The following AASS variants were observed in gnomAD, a reference collection of about 807,000 sequenced individuals.
AASS encodes the protein aminoadipate-semialdehyde synthase.
AASS carries 86 observed loss-of-function variants against 105.4 expected under a neutral mutation model. That is an observed-to-expected ratio of 0.82 (90% CI 0.69 to 0.98). AASS has a LOEUF of 0.98. AASS is among the 50% of genes least tolerant of loss of function. The pLI is 0.00. For missense variants in AASS, 1,048 were observed against 1,143.2 expected (o/e 0.92, Z 1.20); for synonymous variants, 381 against 394.8 (o/e 0.96, Z 0.41).
intron 15 of AASS, among the ~76,000 whole-genome samples, chr7:122,095,184 C>T (rs552169688): frequency 4.6e-4 from 70 of 151,996 alleles, no homozygotes; most frequent in Admixed American, 3.5e-3. Context: ...ACGGAGGAGA[C>T]AGGCTTTAAC....
chr7:122,074,694 G>T lies in AASS; in HGVS notation c.*1795C>A, dbSNP rs1322724678. ...GTCCAATTTCATTATTTTGCATGTGGATATCCATGTTTCCAAGCATCATTT... is the reference window on the plus strand; with the variant it reads ...GTCCAATTTCATTATTTTGCATGTGTATATCCATGTTTCCAAGCATCATTT... On this transcript the variant is annotated 3_prime_UTR_variant, in exon 24 of 24. Coordinates refer to ENST00000417368, the MANE Select transcript of AASS (RefSeq NM_005763.4). 6.6e-6 allele frequency among the ~76,000 whole-genome samples: 1 copy of T among 152,074 alleles called. No homozygotes were observed. The highest frequency in any genetic ancestry group is 2.4e-5 in the African/African-American group (1 of 41,402).
intron 4 of AASS, among the ~76,000 whole-genome samples, chr7:122,125,719 G>A (rs1380131981): frequency 1.3e-5 from 2 of 152,214 alleles, no homozygotes; most frequent in Non-Finnish European, 2.9e-5. Context: ...ATGCTTGCTT[G>A]GACCAGTATA....
chr7:122,099,537 AC>A (rs2150522690), intron 13 of AASS, among the ~76,000 whole-genome samples: 3 of 151,872 alleles, frequency 2.0e-5, no homozygotes, highest in Middle Eastern at 3.4e-3. Context: ...ACAAACTATG[AC>A]CTCCAAGGCA....
intron 4 of AASS, among the ~76,000 whole-genome samples, chr7:122,120,015 T>C (rs1263672381): frequency 6.6e-6 from 1 of 152,164 alleles, no homozygotes; most frequent in African/African-American, 2.4e-5. Flanking sequence ...CAAGGGTCAA[T>C]TGTACTCTTT....
intron 19 of AASS, among the ~76,000 whole-genome samples, chr7:122,085,218 T>A (rs1793563689): frequency 6.6e-6 from 1 of 152,132 alleles, no homozygotes; most frequent in Non-Finnish European, 1.5e-5. Flanking sequence ...CTCACACACA[T>A]CTTGATTTCA....
chr7:122,097,558 G>A (rs1794219915), intron 15 of AASS, among the ~76,000 whole-genome samples: 1 of 151,850 alleles, frequency 6.6e-6, no homozygotes, highest in Non-Finnish European at 1.5e-5. Flanking sequence ...GATGTCTGTT[G>A]TTCCTTTCTT....
intron 19 of AASS, among the ~76,000 whole-genome samples, chr7:122,084,632 G>A (rs1367863562): frequency 1.3e-5 from 2 of 152,018 alleles, no homozygotes; most frequent in African/African-American, 4.8e-5. Context: ...CAGGGCTGCA[G>A]AGAAGAAAAG....
intron 11 of AASS, among the ~76,000 whole-genome samples, chr7:122,112,546 C>T (rs1032207781): frequency 1.3e-5 from 2 of 151,852 alleles, no homozygotes; most frequent in Non-Finnish European, 2.9e-5. Context: ...GGCAGACAGT[C>T]TGAAATAAAA....
chr7:122,130,132 T>C (rs1277168857), intron 2 of AASS, among the ~76,000 whole-genome samples: 1 of 152,042 alleles, frequency 6.6e-6, no homozygotes, highest in Non-Finnish European at 1.5e-5. Context: ...CTAAGTGATA[T>C]GCTACTTTAA....
intron 4 of AASS, among the ~76,000 whole-genome samples, chr7:122,123,030 C>T (rs1004056976): frequency 6.6e-6 from 1 of 152,134 alleles, no homozygotes; most frequent in African/African-American, 2.4e-5. Flanking sequence ...AAGCCTTATA[C>T]ATTCAGTTAA....
chr7:122,115,672 A>G (rs1336761770), intron 8 of AASS, among the ~76,000 whole-genome samples: 1 of 152,166 alleles, frequency 6.6e-6, no homozygotes, highest in African/African-American at 2.4e-5. Context: ...TGAAGATTAA[A>G]TCGGATAACA....
chr7:122,079,668 C>G lies in AASS; in HGVS notation c.2325G>C (p.Glu775Asp), dbSNP rs1270711081. The G allele has an allele frequency of 1.2e-6, 2 of 1,613,936 alleles. No homozygotes were observed. The highest frequency in any genetic ancestry group is 4.5e-5 in the East Asian group (2 of 44,842). Residue 775 changes from glutamate (E) to aspartate (D), a missense_variant, in exon 21 of 24, where the codon GAG (glutamate) becomes GAC (aspartate). Coordinates refer to ENST00000417368, the MANE Select transcript of AASS (RefSeq NM_005763.4). ...CDLVGISPSS[E>D]HDVLKEAVLK... ...GAACAGCTTCCTTCAACACATCATGCTCAGAGGAGGGTGAAATCCCAACTA... is the reference window on the plus strand; with the variant it reads ...GAACAGCTTCCTTCAACACATCATGGTCAGAGGAGGGTGAAATCCCAACTA...
At chr7:122,133,764 A>C (rs773540193) in intron 1 of AASS, 23 bp from the exon 2 acceptor site, 54 of 1,604,324 alleles carry the variant, frequency 3.4e-5, no homozygotes, top group Non-Finnish European at 4.5e-5. Flanking sequence ...TGTAAAGAGC[A>C]GAGCAACAAA....
intron 23 of AASS, among the ~76,000 whole-genome samples, chr7:122,077,074 C>G (rs1221697627): frequency 6.6e-6 from 1 of 152,140 alleles, no homozygotes; most frequent in East Asian, 1.9e-4. Flanking sequence ...CCACAATGAC[C>G]CCAACTTTTA....
chr7:122,079,101 C>T (rs1793183069), intron 21 of AASS, 151 bp from the exon 22 acceptor site: 1 of 1,535,732 alleles, frequency 6.5e-7, no homozygotes, highest in Non-Finnish European at 8.7e-7. Context: ...TGTAAAATAA[C>T]AATAACAATA....
At position 122,118,603 on chromosome 7, in the gene AASS, C is replaced by T. The variant is rs770410429; in HGVS notation, c.500G>A (p.Gly167Asp). Reference sequence around the variant, plus strand: ...ATGTCCCAAAGCAAGGAGCCTTAAACCCATTCCATGTAAAATGTTGATCAT... The same window carrying T: ...ATGTCCCAAAGCAAGGAGCCTTAAATCCATTCCATGTAAAATGTTGATCAT... The part of the protein sequence containing the change: ...AGMINILHGM[G>D]LRLLALGHHT... The change falls in exon 5 of 24, where the codon GGT becomes GAT. Residue 167 changes from glycine to aspartate, a missense_variant. Gly to Asp is a moderately conservative substitution (Grantham distance 94). Coordinates refer to ENST00000417368, the MANE Select transcript of AASS (RefSeq NM_005763.4). 6.8e-6 allele frequency: 11 copies of T among 1,613,824 alleles called. No individual in the cohort carries two copies. The highest frequency in any genetic ancestry group is 1.7e-5 in the Admixed American group (1 of 59,976).
At chr7:122,082,064 C>T (rs189317347) in intron 19 of AASS, among the ~76,000 whole-genome samples, 119 of 152,232 alleles carry the variant, frequency 7.8e-4, no homozygotes, top group African/African-American at 2.5e-3. Flanking sequence ...AGAATATCCT[C>T]CTCAAAAGCA....
At chr7:122,118,165 T>G in intron 6 of AASS, 142 bp downstream of exon 6, 12 of 867,558 alleles carry the variant, frequency 1.4e-5, no homozygotes, top group Non-Finnish European at 2.2e-5. Context: ...CTTTTCACTA[T>G]GAGAAAAATA....
At chr7:122,107,411 T>G (rs1794715883) in intron 11 of AASS, among the ~76,000 whole-genome samples, 1 of 152,068 alleles carries the variant, frequency 6.6e-6, no homozygotes, top group Non-Finnish European at 1.5e-5. Flanking sequence ...GAATATAAAA[T>G]GTTCTATCAT....
Sources: gnomAD v4.1 joint callset for allele counts (sites outside exome capture counted in the v4.1 genomes callset) on GRCh38, gnomAD v4.1.1 for gene constraint, MANE v1.5 for transcripts, NCBI Gene and HGNC (gene_info 2026-07-23, HGNC 2026-07-21) for gene names.